POLN: variants seen among roughly 807,000 people sequenced by gnomAD.
POLN encodes DNA polymerase N.
Under a neutral mutation model 113.5 loss-of-function variants are expected in POLN, and 108 were observed. The ratio of observed to expected loss-of-function variants is 0.95; its 90% CI spans 0.81 to 1.12. The LOEUF (loss-of-function observed/expected upper bound fraction) is 1.12. POLN is among the 50% of genes most tolerant of loss of function. POLN has a pLI of 0.00. For missense variants in POLN, 1,097 were observed against 1,077.1 expected, an observed-to-expected ratio of 1.02 and a Z score of -0.26; for synonymous variants, 386 against 391.5, an observed-to-expected ratio of 0.99 and a Z score of 0.17.
intron 19 of POLN, among the ~76,000 whole-genome samples, chr4:2,102,435 A>T (rs982735561): frequency 6.6e-5 from 10 of 152,314 alleles, no homozygotes; most frequent in Non-Finnish European, 1.3e-4. Context: ...AGCCCATTGC[A>T]ACCACTGCCA....
chr4:2,160,000 T>A (rs1732539637), intron 13 of POLN, among the ~76,000 whole-genome samples: 1 of 152,208 alleles, frequency 6.6e-6, no homozygotes, highest in Non-Finnish European at 1.5e-5. Flanking sequence ...TGAAGAAGGG[T>A]GAAACTGCTG....
At chr4:2,184,068 G>A (rs1733210574) in intron 7 of POLN, among the ~76,000 whole-genome samples, 2 of 151,172 alleles carry the variant, frequency 1.3e-5, no homozygotes, top group Admixed American at 6.6e-5. Flanking sequence ...TGGCCAGGCT[G>A]GTCTTGAACT....
intron 9 of POLN, among the ~76,000 whole-genome samples, chr4:2,175,694 C>T (rs924434920): frequency 1.3e-5 from 2 of 152,240 alleles, no homozygotes; most frequent in South Asian, 4.1e-4. Flanking sequence ...CCTCCAGACC[C>T]ATTCTCTGCC....
intron 13 of POLN, among the ~76,000 whole-genome samples, chr4:2,164,239 C>T (rs1457942685): frequency 1.3e-5 from 2 of 152,110 alleles, no homozygotes; most frequent in Non-Finnish European, 2.9e-5. Flanking sequence ...TGGTGGCTCA[C>T]ACATGTAATC....
intron 19 of POLN, among the ~76,000 whole-genome samples, chr4:2,121,233 G>A (rs756702404): frequency 1.4e-4 from 22 of 152,028 alleles, no homozygotes; most frequent in Non-Finnish European, 1.5e-4. Flanking sequence ...TCAGGAGCTC[G>A]AGGCCAGGCT....
intron 6 of POLN, among the ~76,000 whole-genome samples, chr4:2,195,927 C>T (rs1306257514): frequency 2.6e-5 from 4 of 152,100 alleles, no homozygotes; most frequent in African/African-American, 9.7e-5. Context: ...TGATCCTAAT[C>T]AATGGACAAA....
intron 19 of POLN, among the ~76,000 whole-genome samples, chr4:2,124,268 C>T (rs1731521176): frequency 6.6e-6 from 1 of 151,942 alleles, no homozygotes; most frequent in Non-Finnish European, 1.5e-5. Flanking sequence ...ATTAGATAGT[C>T]GTGATTGTAA....
chr4:2,198,754 AC>A, intron 5 of POLN, 37 bp from the exon 6 acceptor site: 1 of 1,525,544 alleles, frequency 6.6e-7, no homozygotes, highest in Non-Finnish European at 8.9e-7. Context: ...AACCCAGACA[AC>A]ATATCTGTTG....
intron 19 of POLN, among the ~76,000 whole-genome samples, chr4:2,113,904 T>TA (rs1491579453): frequency 6.8e-6 from 1 of 146,342 alleles, no homozygotes; most frequent in African/African-American, 2.5e-5. Context: ...ATAATAATAA[T>TA]GTCTTTTTTT....
At chr4:2,105,151 G>A (rs1245193636) in intron 19 of POLN, among the ~76,000 whole-genome samples, 3 of 152,094 alleles carry the variant, frequency 2.0e-5, no homozygotes, top group Admixed American at 6.6e-5. Flanking sequence ...CTCACGTCTC[G>A]TGAAAGCACA....
At chr4:2,174,797 T>C (rs1335815982) in intron 9 of POLN, 46 bp from the exon 10 acceptor site, 8 of 1,374,286 alleles carry the variant, frequency 5.8e-6, no homozygotes, top group South Asian at 5.0e-5. Flanking sequence ...TAAATATTAT[T>C]GTATCTGCAT....
chr4:2,198,996 T>G (rs1401037630), intron 5 of POLN, among the ~76,000 whole-genome samples: 1 of 152,118 alleles, frequency 6.6e-6, no homozygotes, highest in Non-Finnish European at 1.5e-5. Context: ...AGCATCATAC[T>G]TTCCCTATTA....
At chr4:2,087,371 G>A (rs1730573199) in intron 20 of POLN, among the ~76,000 whole-genome samples, 1 of 152,186 alleles carries the variant, frequency 6.6e-6, no homozygotes, top group Non-Finnish European at 1.5e-5. Flanking sequence ...CTATGGCACT[G>A]CAATGGAAAA....
chr4:2,167,897 C>G (rs559901588), intron 13 of POLN, among the ~76,000 whole-genome samples: 2 of 152,082 alleles, frequency 1.3e-5, no homozygotes, highest in African/African-American at 4.8e-5. Flanking sequence ...AAGACTCTGT[C>G]TCAAAAAAAA....
At chr4:2,101,926 G>A (rs2108705026) in intron 19 of POLN, among the ~76,000 whole-genome samples, 1 of 152,304 alleles carries the variant, frequency 6.6e-6, no homozygotes, top group Admixed American at 6.5e-5. Flanking sequence ...TGGGTTAGAT[G>A]TGAGCTGCCA....
chr4:2,158,319 C>A (rs1732490438), intron 14 of POLN, among the ~76,000 whole-genome samples: 1 of 152,130 alleles, frequency 6.6e-6, no homozygotes. Flanking sequence ...GCTACTATCA[C>A]CTTAGATGAC....
intron 20 of POLN, among the ~76,000 whole-genome samples, chr4:2,095,319 G>A (rs902368700): frequency 2.0e-5 from 3 of 152,076 alleles, no homozygotes; most frequent in Admixed American, 6.5e-5. Context: ...GCCTAGCCCC[G>A]CTTTCTCCTA....
intron 3 of POLN, among the ~76,000 whole-genome samples, chr4:2,216,007 C>A (rs1294861743): frequency 6.6e-6 from 1 of 152,228 alleles, no homozygotes; most frequent in African/African-American, 2.4e-5. Flanking sequence ...CTGGCCATAG[C>A]CCCAGCATTT....
chr4:2,082,542 TGAC>T (rs1730446476), intron 21 of POLN: 1 of 152,268 alleles, frequency 6.6e-6, no homozygotes, highest in African/African-American at 2.4e-5. Context: ...CTGTGTTAGC[TGAC>T]TATATTCCTG....
Sources: gnomAD v4.1 joint callset for allele counts (sites outside exome capture counted in the v4.1 genomes callset) on GRCh38, gnomAD v4.1.1 for gene constraint, MANE v1.5 for transcripts, NCBI Gene and HGNC (gene_info 2026-07-23, HGNC 2026-07-21) for gene names.